Variants in GLRA2 observed in about 807,000 individuals in gnomAD.
GLRA2 encodes glycine receptor alpha 2.
Under a neutral mutation model 31.6 loss-of-function variants are expected in GLRA2, and 11 were observed. The ratio of observed to expected loss-of-function variants is 0.35; its 90% confidence interval spans 0.22 to 0.58. The LOEUF is 0.58. Ranked by LOEUF, GLRA2 falls within the 20% of genes least tolerant of loss-of-function variation. The pLI is 0.84. For synonymous variants in GLRA2, 132 were observed against 134.0 expected (o/e 0.99, Z 0.10); for missense variants, 212 against 351.8 (o/e 0.60, Z 3.18).
chrX:14,652,453 T>G (rs1440801755), intron 7 of GLRA2, among the ~76,000 whole-genome samples: 1 of 111,646 alleles, frequency 9.0e-6, no homozygotes, highest in Non-Finnish European at 1.9e-5. Context: ...TTCTACAAAT[T>G]GAAGATTTGT....
intron 5 of GLRA2, among the ~76,000 whole-genome samples, chrX:14,605,699 C>A (rs1180540825): frequency 9.0e-6 from 1 of 111,677 alleles, no homozygotes; most frequent in Non-Finnish European, 1.9e-5. Flanking sequence ...TCATGTTTAC[C>A]ACTAACTTTG....
At chrX:14,474,218 T>C in the GLRA2 span, among the ~76,000 whole-genome samples, 1 of 111,721 alleles carries the variant, frequency 9.0e-6, no homozygotes, top group Non-Finnish European at 1.9e-5. Flanking sequence ...CACCGGGCTC[T>C]TCACAGATTA....
the GLRA2 span, among the ~76,000 whole-genome samples, chrX:14,508,111 T>G: frequency 8.9e-6 from 1 of 111,992 alleles, no homozygotes; most frequent in Non-Finnish European, 1.9e-5. Context: ...TTTCTCTTTT[T>G]TGCTCATCTG....
upstream of GLRA2, among the ~76,000 whole-genome samples, chrX:14,525,271 A>G (rs911595796): frequency 3.6e-5 from 4 of 111,599 alleles, no homozygotes; most frequent in African/African-American, 1.3e-4. Context: ...GTTTCCACAT[A>G]CCTCAACCAG....
At chrX:14,679,632 T>C (rs2091179629) in intron 7 of GLRA2, among the ~76,000 whole-genome samples, 1 of 110,799 alleles carries the variant, frequency 9.0e-6, no homozygotes, top group Non-Finnish European at 1.9e-5. Flanking sequence ...TTGCTCATTA[T>C]TCGCAAGACC....
intron 2 of GLRA2, among the ~76,000 whole-genome samples, chrX:14,533,559 C>T (rs1182409664): frequency 5.5e-5 from 6 of 108,470 alleles, no homozygotes; most frequent in African/African-American, 1.7e-4. Flanking sequence ...CATCCCATTT[C>T]TTAATTTTGT....
At chrX:14,699,835 G>A (rs1370627432) in intron 8 of GLRA2, among the ~76,000 whole-genome samples, 1 of 111,705 alleles carries the variant, frequency 9.0e-6, no homozygotes, top group African/African-American at 3.3e-5. Flanking sequence ...GCAGGGACAT[G>A]GATGGAGCTG....
chrX:14,510,439 A>G, the GLRA2 span, among the ~76,000 whole-genome samples: 4 of 111,765 alleles, frequency 3.6e-5, no homozygotes, highest in East Asian at 8.5e-4. Context: ...TAATTTTTGC[A>G]GTCCATTAAC....
chrX:14,532,332 G>C lies in GLRA2; in HGVS notation c.162G>C (p.Arg54Ser). The change falls in exon 2 of 9, where the codon AGG (arginine) becomes AGC (serine). Residue 54 changes from arginine (R) to serine (S), a missense_variant. By Grantham distance (110) the Arg-to-Ser change is moderately radical. Transcript: ENST00000218075. ...ATTTCTTGGACAAGTTAATGGGAAG[G>C]ACATCAGGATATGATGCAAGAATCA... Reference protein sequence around the residue: ...PSDFLDKLMGRTSGYDARIRP... With the variant: ...PSDFLDKLMGSTSGYDARIRP... 1 of 1,190,056 alleles carries C rather than the reference G, an allele frequency of 8.4e-7. No individual in the cohort carries two copies. Among genetic ancestry groups the C allele is most frequent in the Non-Finnish European group, 1.1e-6 (1 of 879,486 alleles).
chrX:14,556,178 C>T (rs2089640186), intron 2 of GLRA2, among the ~76,000 whole-genome samples: 1 of 111,727 alleles, frequency 9.0e-6, no homozygotes, highest in African/African-American at 3.3e-5. Flanking sequence ...ATTATCATAA[C>T]TCCAAACATA....
intron 7 of GLRA2, among the ~76,000 whole-genome samples, chrX:14,611,646 G>A (rs902806967): frequency 6.2e-5 from 7 of 112,006 alleles, no homozygotes; most frequent in African/African-American, 1.9e-4. Context: ...AAAAAAGAAG[G>A]TACTGAGCAT....
chrX:14,535,390 T>C (rs182783231), intron 2 of GLRA2, among the ~76,000 whole-genome samples: 93 of 111,765 alleles, frequency 8.3e-4, no homozygotes, highest in African/African-American at 2.8e-3. Flanking sequence ...ATAATGGGCA[T>C]ATATATAAGA....
At chrX:14,555,958 A>C (rs1174111216) in intron 2 of GLRA2, among the ~76,000 whole-genome samples, 1 of 111,868 alleles carries the variant, frequency 8.9e-6, no homozygotes, top group East Asian at 2.8e-4. Flanking sequence ...CCCTGTCCAG[A>C]GCAAACTAGA....
chrX:14,487,896 A>G, the GLRA2 span, among the ~76,000 whole-genome samples: 3 of 111,847 alleles, frequency 2.7e-5, no homozygotes, highest in Admixed American at 9.5e-5. Flanking sequence ...AGGATCAAAT[A>G]CATGAGTGTC....
At chrX:14,514,853 T>A in the GLRA2 span, among the ~76,000 whole-genome samples, 1 of 111,112 alleles carries the variant, frequency 9.0e-6, no homozygotes, top group Non-Finnish European at 1.9e-5. Flanking sequence ...ATCAGATTAA[T>A]CTGTGTACAA....
chrX:14,584,207 C>T (rs958498364), intron 4 of GLRA2, among the ~76,000 whole-genome samples: 1 of 111,635 alleles, frequency 9.0e-6, no homozygotes, highest in African/African-American at 3.3e-5. Flanking sequence ...CTAAAATCAG[C>T]GTTTAGAAAA....
intron 2 of GLRA2, among the ~76,000 whole-genome samples, chrX:14,558,302 TAATTATCAC>T (rs1290188114): frequency 8.9e-6 from 1 of 112,308 alleles, no homozygotes; most frequent in African/African-American, 3.2e-5. Flanking sequence ...ACATTATTAC[TAATTATCAC>T]AATTATCATC....
intron 7 of GLRA2, among the ~76,000 whole-genome samples, chrX:14,680,090 G>A (rs982188286): frequency 8.9e-6 from 1 of 112,495 alleles, no homozygotes; most frequent in Non-Finnish European, 1.9e-5. Context: ...ATATGTAAAT[G>A]AATGAATATG....
At chrX:14,477,357 G>A in the GLRA2 span, among the ~76,000 whole-genome samples, 2 of 111,687 alleles carry the variant, frequency 1.8e-5, no homozygotes, top group Non-Finnish European at 3.8e-5. Context: ...ATATATACAT[G>A]TCCGATACTC....
Sources: gnomAD v4.1 joint callset for allele counts (sites outside exome capture counted in the v4.1 genomes callset) on GRCh38, gnomAD v4.1.1 for gene constraint, MANE v1.5 for transcripts, NCBI Gene and HGNC (gene_info 2026-07-23, HGNC 2026-07-21) for gene names.